Variants in FRMPD2 observed in about 807,000 individuals in gnomAD.
The protein encoded by FRMPD2 is FERM and PDZ domain containing 2, also known as FERM and PDZ domain-containing protein 2.
A neutral mutation model predicts 140.1 loss-of-function variants in FRMPD2; 96 were observed. The observed-to-expected ratio is 0.69, with a 90% CI of 0.58 to 0.81. The LOEUF is 0.81. Among genes scored for constraint, FRMPD2 ranks in the 40% least tolerant of loss-of-function variants. The pLI, the probability that FRMPD2 is intolerant of heterozygous loss-of-function variation, is 0.00. For missense variants in FRMPD2, 1,240 were observed against 1,447.4 expected (o/e 0.86, Z 2.32); for synonymous variants, 449 against 547.6 (o/e 0.82, Z 2.52).
chr10:48,267,863 C>T (rs1027236559), intron 1 of FRMPD2, among the ~76,000 whole-genome samples: 1 of 152,156 alleles, frequency 6.6e-6, no homozygotes, highest in South Asian at 2.1e-4. Context: ...ACCTTGAACA[C>T]GTTATGCTAA....
chr10:48,184,294 GA>G (rs1281088235), intron 20 of FRMPD2, among the ~76,000 whole-genome samples: 3 of 150,854 alleles, frequency 2.0e-5, no homozygotes, highest in African/African-American at 7.3e-5. Context: ...AGAGTTGACA[GA>G]AAAAAAAAGA....
intron 2 of FRMPD2, among the ~76,000 whole-genome samples, chr10:48,251,340 G>T (rs779292836): frequency 2.0e-5 from 3 of 152,222 alleles, no homozygotes; most frequent in African/African-American, 4.8e-5. Context: ...CTGCCACATG[G>T]CATGGGTCCA....
intron 22 of FRMPD2, among the ~76,000 whole-genome samples, chr10:48,176,668 A>G (rs1374366992): frequency 6.6e-6 from 1 of 151,520 alleles, no homozygotes; most frequent in South Asian, 2.1e-4. Flanking sequence ...CAGCAAATAT[A>G]TATTTGTGAA....
chr10:48,228,317 A>C (rs61840499), intron 10 of FRMPD2, among the ~76,000 whole-genome samples: 4,697 of 151,964 alleles, frequency 0.031, 98 homozygotes, highest in Non-Finnish European at 0.042. Context: ...GTTTTATAAG[A>C]TATATCTACT....
intron 10 of FRMPD2, among the ~76,000 whole-genome samples, chr10:48,231,729 C>T (rs1405815929): frequency 1.3e-5 from 2 of 152,120 alleles, no homozygotes; most frequent in African/African-American, 4.8e-5. Flanking sequence ...GTATAGAAAC[C>T]CTTTTTCTTG....
intron 15 of FRMPD2, among the ~76,000 whole-genome samples, chr10:48,198,590 A>AG (rs1839006626): frequency 1.3e-5 from 2 of 152,104 alleles, no homozygotes; most frequent in South Asian, 4.1e-4. Context: ...ATTTTAGAAT[A>AG]GTTTTTTTTT....
chr10:48,198,105 T>C (rs1245248802), intron 15 of FRMPD2, among the ~76,000 whole-genome samples: 2 of 152,380 alleles, frequency 1.3e-5, no homozygotes, highest in East Asian at 1.9e-4. Flanking sequence ...ACTTGTCTTA[T>C]GTGATGTGTG....
In FRMPD2 at chr10:48,187,283, A is replaced by G; in HGVS notation, c.2175T>C (p.Thr725=). Residue 725 remains threonine (T), a synonymous_variant, in exon 17 of 29, where the codon ACT becomes ACC. Transcript: ENST00000374201. ...GAEGIGRSPC[T]GREQLKSACV... is the part of the protein sequence containing the mutation. ...AGGCACTCTTCAGCTGCTCCCGGCC[A>G]GTGCAGGGGCTGCCGGGAAAAGAAA... The G allele has an allele frequency of 6.2e-7, 1 of 1,613,946 alleles. No homozygotes were observed. The highest frequency in any genetic ancestry group is 8.5e-7 in the Non-Finnish European group (1 of 1,179,900).
intron 1 of FRMPD2, among the ~76,000 whole-genome samples, chr10:48,272,824 C>G (rs1001435452): frequency 1.3e-5 from 2 of 152,228 alleles, no homozygotes; most frequent in Non-Finnish European, 2.9e-5. Context: ...AGCAGTCACT[C>G]ATGTCATTGA....
intron 22 of FRMPD2, 41 bp downstream of exon 22, chr10:48,178,006 A>T: frequency 2.0e-6 from 2 of 982,978 alleles, no homozygotes; most frequent in Non-Finnish European, 3.2e-6. Context: ...CTAGACGGAC[A>T]TCTTGTTAAC....
chr10:48,253,346 T>G (rs1313102659), intron 1 of FRMPD2, among the ~76,000 whole-genome samples: 1 of 152,110 alleles, frequency 6.6e-6, no homozygotes, highest in African/African-American at 2.4e-5. Context: ...ACTATAAACT[T>G]TCATGGAGGA....
intron 20 of FRMPD2, among the ~76,000 whole-genome samples, chr10:48,181,857 T>TTATATATATATATATATATATATA (rs1168209520): frequency 2.8e-5 from 1 of 36,072 alleles, no homozygotes. Flanking sequence ...ATATATTCCC[T>TTATATATATATATATATATATATA]CATATATATA....
intron 7 of FRMPD2, 131 bp from the exon 8 acceptor site, chr10:48,238,254 A>C: frequency 2.3e-6 from 2 of 880,626 alleles, no homozygotes; most frequent in Non-Finnish European, 3.4e-6. Flanking sequence ...TCCCCCACCT[A>C]TGGGGGAGTT....
At chr10:48,204,498 C>T (rs2131869053) in intron 14 of FRMPD2, among the ~76,000 whole-genome samples, 1 of 152,252 alleles carries the variant, frequency 6.6e-6, no homozygotes, top group South Asian at 2.1e-4. Flanking sequence ...TTTCTATCCT[C>T]TCTAGAGAAA....
At chr10:48,242,839 G>A (rs1469293773) in intron 4 of FRMPD2, among the ~76,000 whole-genome samples, 1 of 152,236 alleles carries the variant, frequency 6.6e-6, no homozygotes, top group African/African-American at 2.4e-5. Context: ...CCAGCAGTCA[G>A]CACAAATGCT....
At chr10:48,255,406 C>T (rs370362294) in intron 1 of FRMPD2, among the ~76,000 whole-genome samples, 2 of 152,282 alleles carry the variant, frequency 1.3e-5, no homozygotes, top group East Asian at 3.9e-4. Context: ...TCCACTTGGG[C>T]CTCCCTCTCC....
rs1360418718 is a variant in FRMPD2, at chr10:48,178,150, C to A, written c.2792G>T (p.Gly931Val). Residue 931 changes from glycine to valine, a missense_variant and splice_region_variant, in exon 22 of 29, where the codon GGT (glycine) becomes GTT (valine). Transcript: ENST00000374201. The part of the protein sequence containing the change: ...RHQLSFLPLK[G>V]AGSSCPPSPP... ...TGATGGAGGACAAGAAGAACCAGCA[C>A]CCTGCCATAAACAAACAAACAAAAA... 2.0e-6 allele frequency: 3 copies of A among 1,494,900 alleles called. No individual in the cohort carries two copies. The highest frequency in any genetic ancestry group is 2.8e-6 in the Non-Finnish European group (3 of 1,074,620). The allele number at this position is 1,494,900 out of a possible 1,614,324, so 92.6% of individuals were successfully genotyped here.
At position 48,192,763 on chromosome 10, in the gene FRMPD2, C is replaced by T. The variant is rs1171647830; in HGVS notation, c.2086G>A (p.Gly696Arg). The T allele has an allele frequency of 3.7e-6, 6 of 1,614,016 alleles. No homozygotes were observed. Among genetic ancestry groups the T allele is most frequent in the Non-Finnish European group, 5.1e-6 (6 of 1,180,020 alleles). Residue 696 changes from glycine (G) to arginine (R), a missense_variant, in exon 16 of 29, where the codon GGA becomes AGA. Around this residue, in one of 6 missense-constraint regions of FRMPD2, gnomAD observed 1,161 missense variants for 1,055.9 expected, o/e 1.10. Coordinates refer to ENST00000374201, the MANE Select transcript of FRMPD2 (RefSeq NM_001018071.4). ...LFVSRLQGAA[G>R]GLLSTSMDNF... ...TCCATTGATGTACTCAGCAGGCCTCCTGCAGCACCCTGAAGCCTGGATACA... is the reference window on the plus strand; with the variant it reads ...TCCATTGATGTACTCAGCAGGCCTCTTGCAGCACCCTGAAGCCTGGATACA...
At chr10:48,159,249 A>G (rs1249259027) in intron 28 of FRMPD2, 6 of 455,512 alleles carry the variant, frequency 1.3e-5, no homozygotes, top group Non-Finnish European at 2.6e-5. Context: ...CTAAGACATC[A>G]AAGTAAACAA....
Sources: gnomAD v4.1 joint callset for allele counts (sites outside exome capture counted in the v4.1 genomes callset) on GRCh38, gnomAD v4.1.1 for gene constraint, gnomAD v4.1.1 regional missense constraint, MANE v1.5 for transcripts, NCBI Gene and HGNC (gene_info 2026-07-23, HGNC 2026-07-21) for gene names.